Variants in BCL2L14 observed in about 807,000 individuals in gnomAD.
BCL2L14 encodes BCL2 like 14, also known as apoptosis facilitator Bcl-2-like protein 14.
In BCL2L14, 27 loss-of-function variants were observed where a neutral mutation model predicts 35.3. The observed-to-expected ratio is 0.76, with a 90% CI of 0.56 to 1.05. The LOEUF (loss-of-function observed/expected upper bound fraction) is 1.05, where lower values mean the gene tolerates loss of function less well. Ranked by LOEUF, BCL2L14 falls within the 50% of genes least tolerant of loss-of-function variation. BCL2L14 has a pLI of 0.00. For synonymous variants in BCL2L14, 139 were observed against 145.9 expected, an observed-to-expected ratio of 0.95 and a Z score of 0.34; for missense variants, 377 against 382.6, an observed-to-expected ratio of 0.99 and a Z score of 0.12.
chr12:12,050,611 G>C (rs894275690), intron 1 of BCL2L14, among the ~76,000 whole-genome samples: 1 of 151,332 alleles, frequency 6.6e-6, no homozygotes, highest in African/African-American at 2.4e-5. Flanking sequence ...AATTGAAAAG[G>C]AACAGTGCGA....
upstream of BCL2L14, among the ~76,000 whole-genome samples, chr12:12,066,714 TA>T (rs1295271030): frequency 1.3e-5 from 2 of 150,526 alleles, no homozygotes; most frequent in African/African-American, 2.4e-5. Context: ...TTATTATTAT[TA>T]TTTTTTTTTT....
chr12:12,058,097 T>A (rs1159703983), intron 2 of BCL2L14, among the ~76,000 whole-genome samples: 1 of 151,548 alleles, frequency 6.6e-6, no homozygotes, highest in African/African-American at 2.4e-5. Flanking sequence ...TACAGGTGTG[T>A]GCCACCACGC....
intron 2 of BCL2L14, among the ~76,000 whole-genome samples, chr12:12,083,781 T>C (rs1948979637): frequency 6.6e-6 from 1 of 151,894 alleles, no homozygotes; most frequent in Non-Finnish European, 1.5e-5. Context: ...CCCGTCTCTA[T>C]TAAAAAAAAT....
chr12:12,093,455 A>T (rs980253652), intron 4 of BCL2L14, among the ~76,000 whole-genome samples: 3 of 152,272 alleles, frequency 2.0e-5, no homozygotes, highest in South Asian at 2.1e-4. Flanking sequence ...CAATATAGTA[A>T]GCCTTGTCCC....
intron 5 of BCL2L14, among the ~76,000 whole-genome samples, chr12:12,096,433 G>GAAAA (rs71435889): frequency 0.015 from 1,522 of 101,880 alleles, 25 homozygotes; most frequent in African/African-American, 0.046. Context: ...CCAAGAATGT[G>GAAAA]AAAAAAAAAA....
intron 1 of BCL2L14, 135 bp downstream of exon 1, chr12:12,071,272 A>C (rs547413759): frequency 3.9e-5 from 6 of 152,320 alleles, no homozygotes; most frequent in African/African-American, 1.4e-4. Flanking sequence ...CTTATCATGT[A>C]AGTCTCAGGA....
chr12:12,095,264 A>G, intron 5 of BCL2L14: 5 of 985,382 alleles, frequency 5.1e-6, no homozygotes, highest in Non-Finnish European at 6.0e-6. Flanking sequence ...AGGCAACGGA[A>G]GTCTGGCAGG....
At chr12:12,062,383 A>G (rs1303466672) in intron 2 of BCL2L14, among the ~76,000 whole-genome samples, 1 of 147,726 alleles carries the variant, frequency 6.8e-6, no homozygotes, top group Non-Finnish European at 1.5e-5. Flanking sequence ...CGGTTCCACC[A>G]GGCCTAATTG....
intron 2 of BCL2L14, among the ~76,000 whole-genome samples, chr12:12,053,950 C>T (rs1475632773): frequency 6.6e-6 from 1 of 152,090 alleles, no homozygotes; most frequent in Non-Finnish European, 1.5e-5. Flanking sequence ...TAGGTTTTAG[C>T]TTATAGTTTC....
At chr12:12,069,979 C>T (rs943449296), upstream of BCL2L14, among the ~76,000 whole-genome samples, 2 of 152,142 alleles carry the variant, frequency 1.3e-5, no homozygotes, top group South Asian at 2.1e-4. Flanking sequence ...CTTCCTTCAT[C>T]GTCACAGTTT....
At chr12:12,050,742 G>T (rs1456498894) in intron 1 of BCL2L14, among the ~76,000 whole-genome samples, 1 of 128,468 alleles carries the variant, frequency 7.8e-6, no homozygotes, top group Non-Finnish European at 1.6e-5. Flanking sequence ...ACTGGAAGAA[G>T]AATTGTCTTG....
chr12:12,093,732 G>T (rs1456389678), intron 4 of BCL2L14, among the ~76,000 whole-genome samples: 1 of 150,624 alleles, frequency 6.6e-6, no homozygotes, highest in Non-Finnish European at 1.5e-5. Context: ...GGCGGAGGTT[G>T]CAGTGAGCTG....
intron 2 of BCL2L14, among the ~76,000 whole-genome samples, chr12:12,058,807 G>A (rs896525864): frequency 2.0e-5 from 3 of 152,142 alleles, no homozygotes; most frequent in Admixed American, 6.5e-5. Flanking sequence ...ACTCAGATGG[G>A]GGACCTCCCT....
chr12:12,075,429 C>T (rs868706239), intron 1 of BCL2L14, among the ~76,000 whole-genome samples: 1,322 of 121,678 alleles, frequency 0.011, 16 homozygotes, highest in Middle Eastern at 0.013. Flanking sequence ...TTCTTTCTTT[C>T]TTTCTTTTTT....
intron 2 of BCL2L14, among the ~76,000 whole-genome samples, chr12:12,057,947 C>CTTTTT (rs71057796): frequency 7.2e-6 from 1 of 139,736 alleles, no homozygotes; most frequent in Admixed American, 7.1e-5. Flanking sequence ...GTGTGTTTGT[C>CTTTTT]TTTTTTTTTT....
chr12:12,079,271 G>C, intron 1 of BCL2L14, 28 bp from the exon 2 acceptor site: 1 of 1,590,282 alleles, frequency 6.3e-7, no homozygotes, highest in Non-Finnish European at 8.6e-7. Flanking sequence ...CTGCATAGAA[G>C]GGCACAGTGT....
chr12:12,052,318 T>A (rs186703826), intron 2 of BCL2L14, among the ~76,000 whole-genome samples: 2 of 152,232 alleles, frequency 1.3e-5, no homozygotes, highest in South Asian at 2.1e-4. Context: ...TGCTGTGCAA[T>A]TGATTAGTAA....
At chr12:12,053,202 A>T (rs1001555639) in intron 2 of BCL2L14, among the ~76,000 whole-genome samples, 1 of 152,198 alleles carries the variant, frequency 6.6e-6, no homozygotes, top group South Asian at 2.1e-4. Context: ...TAGAATTTTT[A>T]TTATTCTCAT....
At chr12:12,072,188 T>C (rs1170500462) in intron 1 of BCL2L14, 1 of 152,210 alleles carries the variant, frequency 6.6e-6, no homozygotes, top group Non-Finnish European at 1.5e-5. Context: ...AAACACGAGG[T>C]GCTTGCTGCA....
Sources: gnomAD v4.1 joint callset for allele counts (sites outside exome capture counted in the v4.1 genomes callset) on GRCh38, gnomAD v4.1.1 for gene constraint, MANE v1.5 for transcripts, NCBI Gene and HGNC (gene_info 2026-07-23, HGNC 2026-07-21) for gene names.